FGF7: variants seen among roughly 807,000 people sequenced by gnomAD.
FGF7 encodes fibroblast growth factor 7, also known as FGF-7.
A neutral mutation model predicts 20.5 loss-of-function variants in FGF7; 6 were observed. That is an observed-to-expected ratio of 0.29 (90% CI 0.16 to 0.58). FGF7 has a LOEUF of 0.58. Ranked by LOEUF, FGF7 falls within the 20% of genes least tolerant of loss-of-function variation. The pLI, the probability that FGF7 is intolerant of heterozygous loss-of-function variation, is 0.90. For synonymous variants in FGF7, 64 were observed against 74.7 expected (o/e 0.86, Z 0.74); for missense variants, 144 against 228.8 (o/e 0.63, Z 2.39).
chr15:49,437,895 A>G (rs1418995329), intron 2 of FGF7, among the ~76,000 whole-genome samples: 1 of 151,660 alleles, frequency 6.6e-6, no homozygotes, highest in Admixed American at 6.6e-5. Flanking sequence ...AGGCCAGCTA[A>G]CAGAACCTGG....
At chr15:49,423,828 C>G (rs1255438560) in intron 1 of FGF7, among the ~76,000 whole-genome samples, 1 of 151,646 alleles carries the variant, frequency 6.6e-6, no homozygotes, top group Admixed American at 6.6e-5. Context: ...TCTGTTTTGT[C>G]TCTACTCATG....
At chr15:49,459,656 A>G (rs7170426) in intron 2 of FGF7, among the ~76,000 whole-genome samples, 49,281 of 151,964 alleles carry the variant, frequency 0.32, 8,705 homozygotes, top group African/African-American at 0.45. Context: ...TAGTATTTCT[A>G]TAGTTCTCTA....
At chr15:49,464,223 T>A (rs947204383) in intron 2 of FGF7, among the ~76,000 whole-genome samples, 1 of 152,114 alleles carries the variant, frequency 6.6e-6, no homozygotes, top group Non-Finnish European at 1.5e-5. Flanking sequence ...AAAGCGGTGA[T>A]TCTGACACTT....
intron 2 of FGF7, among the ~76,000 whole-genome samples, chr15:49,461,179 C>G (rs1402296208): frequency 6.6e-6 from 1 of 152,180 alleles, no homozygotes; most frequent in Non-Finnish European, 1.5e-5. Flanking sequence ...AGTGACAGAT[C>G]TTTTCTCTTC....
At chr15:49,456,979 T>A (rs373972593) in intron 2 of FGF7, among the ~76,000 whole-genome samples, 13 of 152,108 alleles carry the variant, frequency 8.5e-5, no homozygotes, top group African/African-American at 3.1e-4. Context: ...AAAAAGTTAG[T>A]CACTTTGCTC....
intron 2 of FGF7, among the ~76,000 whole-genome samples, chr15:49,456,329 A>G (rs1216072713): frequency 6.6e-6 from 1 of 152,124 alleles, no homozygotes; most frequent in African/African-American, 2.4e-5. Context: ...TTAGAAGTTG[A>G]AAGAAATAAT....
intron 2 of FGF7, among the ~76,000 whole-genome samples, chr15:49,475,549 T>C (rs2055182435): frequency 6.6e-6 from 1 of 152,208 alleles, no homozygotes; most frequent in South Asian, 2.1e-4. Context: ...AAATAAAATA[T>C]ACAGATTAGC....
rs1163883590 is a variant in FGF7, at chr15:49,424,424, A to T, written c.127A>T (p.Asn43Tyr). ...CATGACTCCAGAGCAAATGGCTACA[A>T]ATGTGAACTGTTCCAGCCCTGAGCG... ...NDMTPEQMATNVNCSSPERHT... is the reference protein window; with the variant it reads ...NDMTPEQMATYVNCSSPERHT... Residue 43 changes from asparagine to tyrosine, a missense_variant, in exon 2 of 4, where the codon AAT becomes TAT. Physicochemically the swap from Asn to Tyr is moderately radical, Grantham distance 143. Around this residue, in one of 2 missense-constraint regions of FGF7, gnomAD observed 88 missense variants for 103.4 expected, o/e 0.85. Transcript: ENST00000267843. 9 of 1,613,746 alleles carry T rather than the reference A, an allele frequency of 5.6e-6. No individual in the cohort carries two copies. Among genetic ancestry groups the T allele is most frequent in the Non-Finnish European group, 6.8e-6 (8 of 1,179,746 alleles).
At chr15:49,479,112 A>G (rs779677100) in intron 2 of FGF7, among the ~76,000 whole-genome samples, 16 of 152,218 alleles carry the variant, frequency 1.1e-4, no homozygotes, top group Non-Finnish European at 2.2e-4. Flanking sequence ...TTTAGGGCAT[A>G]GTCTCTAGTG....
At chr15:49,434,243 T>A (rs2050880484) in intron 2 of FGF7, among the ~76,000 whole-genome samples, 1 of 151,704 alleles carries the variant, frequency 6.6e-6, no homozygotes, top group South Asian at 2.1e-4. Flanking sequence ...CCGCCTTTGT[T>A]TGCATGAATA....
At position 49,484,965 on chromosome 15, in the gene FGF7, A is replaced by G. The variant is rs1316558981; in HGVS notation, c.*461A>G. On this transcript the variant is annotated 3_prime_UTR_variant, in exon 4 of 4. Coordinates refer to ENST00000267843, the MANE Select transcript of FGF7 (RefSeq NM_002009.4). ...AGGATTTGTCAGATAATCAAGCCAC[A>G]CTAACTATGGAAAATGAGCAGCATT... is the stretch of plus-strand genomic sequence containing the variant. 7 of 152,498 alleles carry G rather than the reference A, an allele frequency of 4.6e-5. No individual in the cohort carries two copies. Among genetic ancestry groups the G allele is most frequent in the Admixed American group, 6.6e-5 (1 of 15,236 alleles). 9.4% of individuals were successfully genotyped at this position (152,498 alleles called of 1,614,324 possible). A position where few individuals can be genotyped will look rare whatever the true frequency, so the allele number is the denominator to read the frequency against.
At chr15:49,467,964 T>C (rs1335514690) in intron 2 of FGF7, among the ~76,000 whole-genome samples, 1 of 152,182 alleles carries the variant, frequency 6.6e-6, no homozygotes, top group African/African-American at 2.4e-5. Context: ...TATCACACTG[T>C]ATATTGCACA....
chr15:49,474,986 T>G (rs551393000), intron 2 of FGF7, among the ~76,000 whole-genome samples: 1 of 131,432 alleles, frequency 7.6e-6, no homozygotes, highest in East Asian at 2.4e-4. Context: ...ATATTTAAAA[T>G]TCAAACTATA....
At chr15:49,480,825 C>T (rs1597471371) in intron 2 of FGF7, among the ~76,000 whole-genome samples, 1 of 152,160 alleles carries the variant, frequency 6.6e-6, no homozygotes, top group East Asian at 1.9e-4. Context: ...GGGCAATAGA[C>T]AGGCAGGGGA....
chr15:49,475,101 C>A (rs1051084914), intron 2 of FGF7, among the ~76,000 whole-genome samples: 1 of 152,050 alleles, frequency 6.6e-6, no homozygotes, highest in South Asian at 2.1e-4. Context: ...ATTGGTTACA[C>A]AAAAATTGAT....
chr15:49,473,108 T>C (rs1373918139), intron 2 of FGF7, among the ~76,000 whole-genome samples: 1 of 152,154 alleles, frequency 6.6e-6, no homozygotes, highest in Admixed American at 6.5e-5. Context: ...GAATATTTTT[T>C]AAAAACATTT....
chr15:49,453,919 T>C (rs1257275181), intron 2 of FGF7, among the ~76,000 whole-genome samples: 1 of 152,154 alleles, frequency 6.6e-6, no homozygotes, highest in Non-Finnish European at 1.5e-5. Context: ...CATTCCTCCA[T>C]CTCTTCTAGC....
intron 2 of FGF7, among the ~76,000 whole-genome samples, chr15:49,471,768 C>T (rs2899433): frequency 0.34 from 50,823 of 151,632 alleles, 9,479 homozygotes; most frequent in African/African-American, 0.49. Context: ...TAGGAAGCAG[C>T]TGAACACAGG....
chr15:49,436,785 C>T lies in FGF7; in HGVS notation c.286+12202C>T, dbSNP rs2051145812. ...ACAGCTTTAGTATCATCACATGTAT[C>T]ACTATACTGTCACTGGTGTTATTAA... On this transcript the variant is annotated intron_variant, in intron 2 of 3. Transcript: ENST00000267843. 2.0e-5 allele frequency among the ~76,000 whole-genome samples: 3 copies of T among 151,520 alleles called. 1 individual carries two copies. In the South Asian group the frequency reaches 6.2e-4, roughly 31 times the overall value.
Sources: gnomAD v4.1 joint callset for allele counts (sites outside exome capture counted in the v4.1 genomes callset) on GRCh38, gnomAD v4.1.1 for gene constraint, gnomAD v4.1.1 regional missense constraint, MANE v1.5 for transcripts, NCBI Gene and HGNC (gene_info 2026-07-23, HGNC 2026-07-21) for gene names.